The following MAML3 variants were observed in gnomAD, a reference collection of about 807,000 sequenced individuals.
MAML3 encodes mastermind-like protein 3.
Under a neutral mutation model 101.9 loss-of-function variants are expected in MAML3, and 27 were observed. The observed-to-expected ratio is 0.27, with a 90% CI of 0.20 to 0.37. The LOEUF (loss-of-function observed/expected upper bound fraction) is 0.37. MAML3 is among the 10% of genes least tolerant of loss of function. The probability of loss-of-function intolerance (pLI) is 1.00; values close to 1 mark genes in which losing one functional copy is unlikely to be tolerated. For missense variants in MAML3, 1,316 were observed against 1,444.9 expected, an observed-to-expected ratio of 0.91 and a Z score of 1.45; for synonymous variants, 501 against 555.9, an observed-to-expected ratio of 0.90 and a Z score of 1.39.
chr4:140,125,696 G>A (rs1728672148), intron 1 of MAML3, among the ~76,000 whole-genome samples: 2 of 151,776 alleles, frequency 1.3e-5, no homozygotes, highest in Non-Finnish European at 1.5e-5. Context: ...GACCTCACGT[G>A]ATCCTCCAGC....
intron 2 of MAML3, among the ~76,000 whole-genome samples, chr4:139,864,176 A>G (rs1731845450): frequency 6.6e-6 from 1 of 152,220 alleles, no homozygotes; most frequent in East Asian, 1.9e-4. Context: ...GAATAATAAC[A>G]AATGATCATT....
At chr4:140,024,903 T>TGAGA in intron 1 of MAML3, among the ~76,000 whole-genome samples, 1 of 152,198 alleles carries the variant, frequency 6.6e-6, no homozygotes, top group African/African-American at 2.4e-5. Flanking sequence ...ATAACAAAAG[T>TGAGA]GAGAGAACCA....
chr4:140,134,518 T>C (rs2111045036), intron 1 of MAML3: 2 of 369,550 alleles, frequency 5.4e-6, no homozygotes, highest in Middle Eastern at 7.5e-4. Flanking sequence ...TGATTAAAAA[T>C]GTAAAAACTA....
At chr4:140,055,476 T>TG in intron 1 of MAML3, among the ~76,000 whole-genome samples, 1 of 152,260 alleles carries the variant, frequency 6.6e-6, no homozygotes. Flanking sequence ...ATTACTGGGT[T>TG]GCTGTCACTA....
At chr4:139,941,544 GGTGGTGGTGGT>G (rs1386036106) in intron 1 of MAML3, among the ~76,000 whole-genome samples, 5 of 139,936 alleles carry the variant, frequency 3.6e-5, no homozygotes, top group African/African-American at 1.5e-4. Flanking sequence ...TGTTGTTGTT[GGTGGTGGTGGT>G]GGTGGTGGTG....
intron 2 of MAML3, among the ~76,000 whole-genome samples, chr4:139,807,269 C>T (rs1343487301): frequency 2.8e-5 from 4 of 144,530 alleles, no homozygotes; most frequent in African/African-American, 1.0e-4. Context: ...GTATCATATG[C>T]ATATACGCTA....
rs1431260755 is a variant in MAML3 at position 139,749,167 on chromosome 4, T to C, written c.2080-18500A>G. 2.6e-5 allele frequency among the ~76,000 whole-genome samples: 4 copies of C among 152,238 alleles called. No homozygotes were observed. In the East Asian group the frequency reaches 7.7e-4, roughly 29 times the overall value. On this transcript the variant is annotated intron_variant, in intron 2 of 4. Transcript: ENST00000509479. ...AAGAATGGTTTATAAATGTACAGTT[T>C]CTATGTTCACAAAGATATGATATAC...
At chr4:139,925,350 C>T (rs1014681387) in intron 1 of MAML3, among the ~76,000 whole-genome samples, 3 of 152,188 alleles carry the variant, frequency 2.0e-5, no homozygotes, top group East Asian at 1.9e-4. Flanking sequence ...CTGCCTCAGC[C>T]TCCTGAGTAG....
intron 2 of MAML3, among the ~76,000 whole-genome samples, chr4:139,832,270 ATTT>A (rs201591432): frequency 3.3e-4 from 46 of 139,450 alleles, no homozygotes; most frequent in Non-Finnish European, 5.8e-4. Flanking sequence ...ACGCCCAGCT[ATTT>A]TTTTTTTTAT....
intron 1 of MAML3, among the ~76,000 whole-genome samples, chr4:139,926,017 GA>G (rs1733219956): frequency 6.6e-6 from 1 of 152,132 alleles, no homozygotes; most frequent in African/African-American, 2.4e-5. Flanking sequence ...GGAAGGTCCA[GA>G]AAAAGGAGGA....
At chr4:140,152,773 T>C (rs1729197382) in intron 1 of MAML3, 87 bp downstream of exon 1, 3 of 1,541,970 alleles carry the variant, frequency 1.9e-6, no homozygotes, top group Admixed American at 1.9e-5. Flanking sequence ...CAGACCCTTG[T>C]ACCCCCATGT....
At chr4:140,078,795 G>C (rs1727818774) in intron 1 of MAML3, among the ~76,000 whole-genome samples, 1 of 152,076 alleles carries the variant, frequency 6.6e-6, no homozygotes, top group Non-Finnish European at 1.5e-5. Flanking sequence ...CCAAGAAAAG[G>C]GACTCACCCT....
chr4:139,953,891 G>C (rs188363911), intron 1 of MAML3, among the ~76,000 whole-genome samples: 12 of 152,320 alleles, frequency 7.9e-5, no homozygotes, highest in African/African-American at 2.9e-4. Flanking sequence ...ACAGGAGGCT[G>C]ATAGCAGAGA....
Position 140,144,338 on chromosome 4 carries a change from G to A in MAML3, c.468+8522C>T, listed in dbSNP as rs140349104. Among the ~76,000 whole-genome samples the A allele has an allele frequency of 3.9e-5, 6 of 152,198 alleles. No homozygotes were observed. In the East Asian group the frequency reaches 1.2e-3, roughly 29 times the overall value. On this transcript the variant is annotated intron_variant, in intron 1 of 4. Coordinates refer to ENST00000509479, the MANE Select transcript of MAML3 (RefSeq NM_018717.5). The stretch of plus-strand genomic sequence containing the variant: ...GAGACCAGCAGATTGCCTGAGCTCA[G>A]GAGTTTGAGACCAGCCTGGGAAACA...
chr4:139,775,655 A>C (rs767330619), intron 2 of MAML3, among the ~76,000 whole-genome samples: 2 of 152,092 alleles, frequency 1.3e-5, no homozygotes, highest in Non-Finnish European at 2.9e-5. Context: ...GGGCAGAATG[A>C]TTCCGTTTGA....
At chr4:140,073,905 G>A (rs1161038662) in intron 1 of MAML3, among the ~76,000 whole-genome samples, 2 of 151,758 alleles carry the variant, frequency 1.3e-5, no homozygotes, top group South Asian at 2.1e-4. Context: ...AGGCCGAGGC[G>A]GGCAGATCAC....
Position 140,118,100 on chromosome 4 carries a change from C to T in MAML3, c.468+34760G>A, listed in dbSNP as rs773449788. ...TCAGAGCCTACAGCTAGACAACCAC[C>T]ACAAAAAATGTTCTCTCTGATATCA... is the stretch of plus-strand genomic sequence containing the variant. On this transcript the variant is annotated intron_variant, in intron 1 of 4. Coordinates refer to ENST00000509479, the MANE Select transcript of MAML3 (RefSeq NM_018717.5). Among the ~76,000 whole-genome samples, 59 of 151,808 alleles carry T rather than the reference C, an allele frequency of 3.9e-4. No individual in the cohort carries two copies. The Middle Eastern group carries it at 0.017, about 44-fold the overall frequency.
intron 2 of MAML3, among the ~76,000 whole-genome samples, chr4:139,863,227 G>A (rs958953020): frequency 6.6e-6 from 1 of 151,440 alleles, no homozygotes; most frequent in African/African-American, 2.4e-5. Context: ...TATGTGAAAT[G>A]CTTAGCATAA....
intron 1 of MAML3, among the ~76,000 whole-genome samples, chr4:140,105,156 C>G (rs569962176): frequency 6.6e-6 from 1 of 152,306 alleles, no homozygotes; most frequent in South Asian, 2.1e-4. Flanking sequence ...CCACCACCCC[C>G]ATCATGTAAC....
Sources: gnomAD v4.1 joint callset for allele counts (sites outside exome capture counted in the v4.1 genomes callset) on GRCh38, gnomAD v4.1.1 for gene constraint, MANE v1.5 for transcripts, NCBI Gene and HGNC (gene_info 2026-07-23, HGNC 2026-07-21) for gene names.